The following RSRC1 variants were observed in gnomAD, a reference collection of about 807,000 sequenced individuals.
The protein encoded by RSRC1 is serine/Arginine-related protein 53.
Under a neutral mutation model 49.1 loss-of-function variants are expected in RSRC1, and 39 were observed. The ratio of observed to expected loss-of-function variants is 0.79; its 90% CI spans 0.61 to 1.04. The LOEUF (loss-of-function observed/expected upper bound fraction) is 1.04. Among genes scored for constraint, RSRC1 ranks in the 50% least tolerant of loss-of-function variants. RSRC1 has a pLI of 0.00. For missense variants in RSRC1, 388 were observed against 402.4 expected, an observed-to-expected ratio of 0.96 and a Z score of 0.31; for synonymous variants, 143 against 130.8, an observed-to-expected ratio of 1.09 and a Z score of -0.63.
intron 3 of RSRC1, among the ~76,000 whole-genome samples, chr3:158,168,688 TG>T (rs1177442836): frequency 1.3e-5 from 2 of 152,296 alleles, no homozygotes; most frequent in African/African-American, 4.8e-5. Flanking sequence ...TTATAATTTT[TG>T]GTACAAGTGC....
intron 8 of RSRC1, among the ~76,000 whole-genome samples, chr3:158,541,612 G>A: frequency 6.6e-6 from 1 of 152,078 alleles, no homozygotes; most frequent in East Asian, 1.9e-4. Context: ...AGTGACATCT[G>A]TTTTTGGCTT....
chr3:158,543,940 A>G lies in RSRC1; in HGVS notation c.913-243A>G, dbSNP rs149464032. 3.9e-3 allele frequency among the ~76,000 whole-genome samples: 587 copies of G among 152,334 alleles called. 4 individuals carry two copies. The highest frequency in any genetic ancestry group is 0.013 in the African/African-American group (547 of 41,574). ...GGAAAAGTTATAGGAAATAAACTTC[A>G]CAAATATAAGGTACAAAATTGTTAA... On this transcript the variant is annotated intron_variant, in intron 9 of 9. Coordinates refer to ENST00000611884, the MANE Select transcript of RSRC1 (RefSeq NM_001271838.2).
intron 4 of RSRC1, among the ~76,000 whole-genome samples, chr3:158,282,908 T>C (rs1452211945): frequency 6.6e-6 from 1 of 152,122 alleles, no homozygotes; most frequent in Non-Finnish European, 1.5e-5. Context: ...GGAGAAGGTA[T>C]TGGAGGACTT....
chr3:158,414,149 C>A (rs972375744), intron 6 of RSRC1, among the ~76,000 whole-genome samples: 3 of 152,082 alleles, frequency 2.0e-5, no homozygotes, highest in African/African-American at 4.8e-5. Flanking sequence ...TGGAATCAAC[C>A]CAAATGCCCA....
chr3:158,493,823 T>C (rs1739196673), intron 7 of RSRC1, among the ~76,000 whole-genome samples: 1 of 152,200 alleles, frequency 6.6e-6, no homozygotes, highest in Non-Finnish European at 1.5e-5. Context: ...CACATAAGTA[T>C]ATCCTTATAT....
At chr3:158,273,869 T>A (rs1391234431) in intron 4 of RSRC1, among the ~76,000 whole-genome samples, 1 of 152,158 alleles carries the variant, frequency 6.6e-6, no homozygotes, top group East Asian at 1.9e-4. Context: ...TCTTACTCTC[T>A]CAGGCTCTCT....
rs143538890 is a variant in RSRC1, at chr3:158,391,385, C to T, written c.583+36477C>T. Among the ~76,000 whole-genome samples, 720 of 152,264 alleles carry T rather than the reference C, an allele frequency of 4.7e-3. 6 individuals are homozygous for T. The highest frequency in any genetic ancestry group is 0.017 in the African/African-American group (686 of 41,560). On this transcript the variant is annotated intron_variant, in intron 6 of 9. Transcript: ENST00000611884. ...CATCTCAGAGCTTATAGCAAGAGAGCATTCTCCATATGAGGGGTTGAAAGT... is the reference window on the plus strand; with the variant it reads ...CATCTCAGAGCTTATAGCAAGAGAGTATTCTCCATATGAGGGGTTGAAAGT...
intron 5 of RSRC1, among the ~76,000 whole-genome samples, chr3:158,331,989 A>G (rs905703068): frequency 4.6e-5 from 7 of 151,972 alleles, no homozygotes; most frequent in African/African-American, 1.7e-4. Flanking sequence ...TAATGTAGCA[A>G]ATTTCATAAA....
intron 3 of RSRC1, among the ~76,000 whole-genome samples, chr3:158,157,241 A>G (rs2108219719): frequency 6.6e-6 from 1 of 152,340 alleles, no homozygotes; most frequent in South Asian, 2.1e-4. Flanking sequence ...TCTAGTACAT[A>G]CTAAGGGCCA....
intron 4 of RSRC1, among the ~76,000 whole-genome samples, chr3:158,296,165 TAAG>T (rs910020190): frequency 9.9e-5 from 15 of 152,140 alleles, no homozygotes; most frequent in Non-Finnish European, 1.6e-4. Flanking sequence ...TATTTTCTAA[TAAG>T]AACCATTTTG....
rs574217917 is a variant in RSRC1, at chr3:158,428,750, C to G, written c.584-32185C>G. Among the ~76,000 whole-genome samples, 6 of 151,956 alleles carry G rather than the reference C, an allele frequency of 3.9e-5. No individual in the cohort carries two copies. In the East Asian group the frequency reaches 7.8e-4, roughly 20 times the overall value. ...TTGATAATCTTTTGTATCTAAAATTCTGGATATGAGTTAGGTCCCACCAGT... is the reference window on the plus strand; with the variant it reads ...TTGATAATCTTTTGTATCTAAAATTGTGGATATGAGTTAGGTCCCACCAGT... On this transcript the variant is annotated intron_variant, in intron 6 of 9. Transcript: ENST00000611884.
intron 7 of RSRC1, among the ~76,000 whole-genome samples, chr3:158,482,510 C>T (rs1400474569): frequency 1.3e-5 from 2 of 152,020 alleles, no homozygotes; most frequent in African/African-American, 4.8e-5. Context: ...CAAAACAAAG[C>T]TTCTGTTTCA....
chr3:158,426,899 A>T (rs2108349636), intron 6 of RSRC1, among the ~76,000 whole-genome samples: 1 of 151,940 alleles, frequency 6.6e-6, no homozygotes, highest in South Asian at 2.1e-4. Context: ...AATCTAATTT[A>T]TCAAAGGTTG....
intron 5 of RSRC1, among the ~76,000 whole-genome samples, chr3:158,349,605 A>G (rs2108229357): frequency 6.6e-6 from 1 of 151,436 alleles, no homozygotes; most frequent in South Asian, 2.1e-4. Flanking sequence ...ATCTGTACTG[A>G]CTTTTTTATT....
At chr3:158,437,613 C>T (rs1232306381) in intron 6 of RSRC1, among the ~76,000 whole-genome samples, 4 of 152,130 alleles carry the variant, frequency 2.6e-5, no homozygotes, top group Admixed American at 2.6e-4. Context: ...AATTCAACAG[C>T]TCTTCATGCT....
intron 7 of RSRC1, among the ~76,000 whole-genome samples, chr3:158,532,778 T>C (rs1560078158): frequency 6.6e-6 from 1 of 151,840 alleles, no homozygotes; most frequent in African/African-American, 2.4e-5. Context: ...CAAGTACTAA[T>C]GGTGTGTTTC....
chr3:158,236,055 G>A (rs1723223825), intron 4 of RSRC1, among the ~76,000 whole-genome samples: 1 of 151,952 alleles, frequency 6.6e-6, no homozygotes, highest in Non-Finnish European at 1.5e-5. Context: ...GGCGGAGGTT[G>A]CAGTGAGCTG....
intron 3 of RSRC1, among the ~76,000 whole-genome samples, chr3:158,137,113 A>G (rs532049475): frequency 2.6e-5 from 4 of 152,308 alleles, no homozygotes; most frequent in African/African-American, 9.6e-5. Context: ...TATTTCCTCA[A>G]CTGGAATGAG....
intron 1 of RSRC1, among the ~76,000 whole-genome samples, chr3:158,117,477 A>G (rs1159839433): frequency 6.7e-6 from 1 of 149,572 alleles, no homozygotes; most frequent in African/African-American, 2.5e-5. Flanking sequence ...TTTTGTAGAG[A>G]CAGGGGTTTC....
Sources: gnomAD v4.1 joint callset for allele counts (sites outside exome capture counted in the v4.1 genomes callset) on GRCh38, gnomAD v4.1.1 for gene constraint, MANE v1.5 for transcripts, NCBI Gene and HGNC (gene_info 2026-07-23, HGNC 2026-07-21) for gene names.